CPEB3: variants seen among roughly 807,000 people sequenced by gnomAD.
The protein encoded by CPEB3 is cytoplasmic polyadenylation element binding protein 3.
In CPEB3, 20 loss-of-function variants were observed where a neutral mutation model predicts 67.2. The observed-to-expected ratio is 0.30, with a 90% CI of 0.21 to 0.43. The LOEUF (loss-of-function observed/expected upper bound fraction) is 0.43. Ranked by LOEUF, CPEB3 falls within the 20% of genes least tolerant of loss-of-function variation. The probability of loss-of-function intolerance (pLI) is 1.00; values close to 1 mark genes in which losing one functional copy is unlikely to be tolerated. For missense variants in CPEB3, 746 were observed against 968.6 expected, an observed-to-expected ratio of 0.77 and a Z score of 3.05; for synonymous variants, 376 against 393.1, an observed-to-expected ratio of 0.96 and a Z score of 0.51.
intron 2 of CPEB3, among the ~76,000 whole-genome samples, chr10:92,225,236 G>T (rs774004573): frequency 1.3e-5 from 2 of 152,056 alleles, no homozygotes; most frequent in Admixed American, 1.3e-4. Flanking sequence ...GCCTCCCAAA[G>T]TGCTGGGATT....
At position 92,227,597 on chromosome 10, in the gene CPEB3, C is replaced by CT. The variant is rs1181315169; in HGVS notation, c.1005+11748dup. Among the ~76,000 whole-genome samples the CT allele has an allele frequency of 5.1e-3, 730 of 142,348 alleles. 2 individuals carry two copies. The highest frequency in any genetic ancestry group is 8.2e-3 in the Non-Finnish European group (523 of 64,166). The allele number at this position is 142,348 out of a possible 152,430, so 93.4% of individuals were successfully genotyped here. ...CTTTATTTACTTATTTTATTTTTTT[C>CT]TTTTTTTTTTTTTGAGACGGAGTCT... On this transcript the variant is annotated intron_variant, in intron 2 of 9. Transcript: ENST00000265997.
At chr10:92,066,947 G>C (rs1842571584) in intron 9 of CPEB3, among the ~76,000 whole-genome samples, 1 of 151,938 alleles carries the variant, frequency 6.6e-6, no homozygotes, top group Non-Finnish European at 1.5e-5. Context: ...TACTTGGGAG[G>C]CTGAGGCAGG....
At chr10:92,106,639 A>AC (rs1253799199) in intron 7 of CPEB3, among the ~76,000 whole-genome samples, 4 of 151,618 alleles carry the variant, frequency 2.6e-5, no homozygotes, top group East Asian at 1.9e-4. Context: ...ACATGGTGAA[A>AC]CCCCGTCTCT....
chr10:92,092,505 C>A (rs1843662712), intron 7 of CPEB3, among the ~76,000 whole-genome samples: 1 of 152,192 alleles, frequency 6.6e-6, no homozygotes, highest in Admixed American at 6.5e-5. Flanking sequence ...TCTGGCTGGG[C>A]ATGGTGGCTC....
intron 2 of CPEB3, among the ~76,000 whole-genome samples, chr10:92,197,893 C>T (rs901209519): frequency 2.0e-5 from 3 of 152,032 alleles, no homozygotes; most frequent in Non-Finnish European, 4.4e-5. Context: ...CAGATTGCAA[C>T]GTCGGGAGTT....
intron 6 of CPEB3, among the ~76,000 whole-genome samples, chr10:92,127,776 G>C (rs560372355): frequency 6.6e-6 from 1 of 152,304 alleles, no homozygotes; most frequent in South Asian, 2.1e-4. Flanking sequence ...CCAAAGAATA[G>C]CAAAGTAGTC....
chr10:92,121,010 C>CTT (rs147369266), intron 6 of CPEB3, among the ~76,000 whole-genome samples: 12 of 148,666 alleles, frequency 8.1e-5, no homozygotes, highest in Non-Finnish European at 1.2e-4. Context: ...CTACAACTTA[C>CTT]TTTTTTTTTT....
At chr10:92,276,277 CTT>C (rs769749643) in intron 1 of CPEB3, among the ~76,000 whole-genome samples, 40 of 108,244 alleles carry the variant, frequency 3.7e-4, no homozygotes, top group African/African-American at 1.0e-3. Context: ...TTTTTCTTTT[CTT>C]TTTTTTTTTT....
chr10:92,261,658 AG>A (rs1380742938), intron 1 of CPEB3, among the ~76,000 whole-genome samples: 1 of 152,158 alleles, frequency 6.6e-6, no homozygotes, highest in African/African-American at 2.4e-5. Context: ...CATGTTGGTC[AG>A]GCTGGTCTCG....
At chr10:92,133,047 T>C (rs58803861) in intron 6 of CPEB3, among the ~76,000 whole-genome samples, 15,756 of 152,128 alleles carry the variant, frequency 0.1, 2,719 homozygotes, top group African/African-American at 0.36. Flanking sequence ...TAGCACTAAA[T>C]GCCCCCAAGA....
intron 1 of CPEB3, among the ~76,000 whole-genome samples, chr10:92,281,187 GGGAAGAAAT>G (rs1043679541): frequency 5.3e-5 from 8 of 151,340 alleles, no homozygotes; most frequent in Admixed American, 1.3e-4. Flanking sequence ...TAATTTTTTG[GGGAAGAAAT>G]GTCTTTTTAG....
intron 8 of CPEB3, among the ~76,000 whole-genome samples, chr10:92,082,077 A>T (rs1843175044): frequency 6.6e-6 from 1 of 152,196 alleles, no homozygotes; most frequent in Non-Finnish European, 1.5e-5. Flanking sequence ...CTCCATACTA[A>T]CCTTTCCCAT....
intron 9 of CPEB3, among the ~76,000 whole-genome samples, chr10:92,076,810 A>AGGAGG (rs1842952109): frequency 6.8e-6 from 1 of 147,772 alleles, no homozygotes; most frequent in South Asian, 2.3e-4. Flanking sequence ...AAAGAGGAGG[A>AGGAGG]GGAGGGGAGA....
intron 4 of CPEB3, among the ~76,000 whole-genome samples, chr10:92,160,270 T>C (rs192428657): frequency 1.1e-4 from 16 of 152,264 alleles, no homozygotes; most frequent in Non-Finnish European, 1.8e-4. Context: ...TGAATTTACA[T>C]AGCTATTACT....
chr10:92,209,667 T>C (rs997230370), intron 2 of CPEB3, among the ~76,000 whole-genome samples: 9 of 151,874 alleles, frequency 5.9e-5, no homozygotes, highest in African/African-American at 1.9e-4. Context: ...AAGTGGAATT[T>C]CAGCAGCTCA....
chr10:92,141,180 A>T (rs1267584962), intron 6 of CPEB3, among the ~76,000 whole-genome samples: 1 of 139,080 alleles, frequency 7.2e-6, no homozygotes, highest in Non-Finnish European at 1.5e-5. Context: ...ACACATGCAC[A>T]CGTATGTTTA....
chr10:92,199,909 G>C (rs897013921), intron 2 of CPEB3, among the ~76,000 whole-genome samples: 9 of 152,146 alleles, frequency 5.9e-5, no homozygotes, highest in African/African-American at 2.2e-4. Flanking sequence ...GAGAGAGAGA[G>C]AGAGAGAGAG....
intron 4 of CPEB3, among the ~76,000 whole-genome samples, chr10:92,180,633 A>C (rs372406910): frequency 5.9e-5 from 9 of 152,256 alleles, no homozygotes; most frequent in African/African-American, 2.2e-4. Flanking sequence ...TTGCAGAGCT[A>C]TAGTTTGCCA....
chr10:92,242,041 A>G (rs1203144256), intron 1 of CPEB3, among the ~76,000 whole-genome samples: 3 of 152,222 alleles, frequency 2.0e-5, no homozygotes, highest in Non-Finnish European at 4.4e-5. Context: ...CATATCAGAA[A>G]ATGAAAATAT....
Sources: gnomAD v4.1 joint callset for allele counts (sites outside exome capture counted in the v4.1 genomes callset) on GRCh38, gnomAD v4.1.1 for gene constraint, MANE v1.5 for transcripts, NCBI Gene and HGNC (gene_info 2026-07-23, HGNC 2026-07-21) for gene names.